Variants in LUZP2 observed in about 807,000 individuals in gnomAD.
The protein encoded by LUZP2 is leucine zipper protein 2.
A neutral mutation model predicts 51.6 loss-of-function variants in LUZP2; 52 were observed. The ratio of observed to expected loss-of-function variants is 1.01; its 90% CI spans 0.81 to 1.27. LUZP2 has a LOEUF of 1.27. Among genes scored for constraint, LUZP2 ranks in the 50% most tolerant of loss-of-function variants. The probability of loss-of-function intolerance (pLI) is 0.00; values close to 1 mark genes in which losing one functional copy is unlikely to be tolerated. For missense variants in LUZP2, 436 were observed against 395.4 expected (o/e 1.10, Z -0.87); for synonymous variants, 154 against 137.3 (o/e 1.12, Z -0.85).
Position 24,741,872 on chromosome 11 carries a change from T to TAA in LUZP2, c.333+3570_333+3571insAA, listed in dbSNP as rs1859159549. Reference sequence around the variant, plus strand: ...ATATAAATATATAAATGTATATATATTTATAAATATATATTTATATACATA... The same window carrying TAA: ...ATATAAATATATAAATGTATATATATAATTATAAATATATATTTATATACATA... On this transcript the variant is annotated intron_variant, in intron 4 of 11. Transcript: ENST00000336930. 4.5e-5 allele frequency among the ~76,000 whole-genome samples: 6 copies of TAA among 134,264 alleles called. No individual in the cohort carries two copies. In the South Asian group the frequency reaches 1.1e-3, roughly 24 times the overall value. 88.1% of individuals were successfully genotyped at this position (134,264 alleles called of 152,430 possible).
Position 24,934,084 on chromosome 11 carries a change from T to G in LUZP2, c.522+19546T>G, listed in dbSNP as rs1042944756. ...CATTATCGCAAGGGCAGGGAAGGTG[T>G]ATTGTCACAAAGTCAGCTGATCAGT... On this transcript the variant is annotated intron_variant, in intron 7 of 11. Coordinates refer to ENST00000336930, the MANE Select transcript of LUZP2 (RefSeq NM_001009909.4). 3.3e-5 allele frequency among the ~76,000 whole-genome samples: 5 copies of G among 152,228 alleles called. No individual in the cohort carries two copies. In the South Asian group the frequency reaches 1.0e-3, roughly 32 times the overall value.
intron 5 of LUZP2, among the ~76,000 whole-genome samples, chr11:24,788,275 T>C (rs571138291): frequency 3.9e-4 from 56 of 142,204 alleles, no homozygotes; most frequent in Non-Finnish European, 7.0e-4. Context: ...CTGCAACCTC[T>C]GCCTCCCAGG....
In LUZP2 at chr11:25,080,791, T is replaced by C. The variant is rs1375463209; in HGVS notation, c.*2133T>C. 1 of 152,086 alleles carries C rather than the reference T, an allele frequency of 6.6e-6. No homozygotes were observed. Among genetic ancestry groups the C allele is most frequent in the African/African-American group, 2.4e-5 (1 of 41,410 alleles). The allele number at this position is 152,086 out of a possible 1,614,324, so 9.4% of individuals were successfully genotyped here. A position where few individuals can be genotyped will look rare whatever the true frequency, so the allele number is the denominator to read the frequency against. Reference sequence around the variant, plus strand: ...CAGGCCTTGTGGGTCCTATAGAAAGTTATTCACCATGTAATCTAGCACAGC... The same window carrying C: ...CAGGCCTTGTGGGTCCTATAGAAAGCTATTCACCATGTAATCTAGCACAGC... On this transcript the variant is annotated 3_prime_UTR_variant, in exon 12 of 12. Coordinates refer to ENST00000336930, the MANE Select transcript of LUZP2 (RefSeq NM_001009909.4).
intron 5 of LUZP2, among the ~76,000 whole-genome samples, chr11:24,774,362 C>CTCTCTCTCTCTCTATATATATATA (rs776739280): frequency 3.9e-5 from 3 of 76,342 alleles, no homozygotes; most frequent in African/African-American, 1.2e-4. Context: ...CTCTCTCTCT[C>CTCTCTCTCTCTCTATATATATATA]TATATATATA....
In LUZP2 at chr11:24,774,362, C is replaced by CTCTCTCTCTCTCTCTATA. The variant is rs776739280; in HGVS notation, c.396+11055_396+11056insCTCTCTCTCTCTCTATAT. 6.3e-3 allele frequency among the ~76,000 whole-genome samples: 484 copies of CTCTCTCTCTCTCTCTATA among 76,242 alleles called. 2 individuals are homozygous for CTCTCTCTCTCTCTCTATA. The highest frequency in any genetic ancestry group is 0.011 in the South Asian group (23 of 2,118). The allele number at this position is 76,242 out of a possible 152,430, so 50.0% of individuals were successfully genotyped here. On this transcript the variant is annotated intron_variant, in intron 5 of 11. Transcript: ENST00000336930. ...TCTCTCTCTCTCTCTCTCTCTCTCT[C>CTCTCTCTCTCTCTCTATA]TATATATATATATATATATACATAC...
In LUZP2 at chr11:25,082,370, G is replaced by T. The variant is rs1196887425; in HGVS notation, c.*3712G>T. 1 of 152,516 alleles carries T rather than the reference G, an allele frequency of 6.6e-6. No homozygotes were observed. Among genetic ancestry groups the T allele is most frequent in the East Asian group, 1.9e-4 (1 of 5,192 alleles). 9.4% of individuals were successfully genotyped at this position (152,516 alleles called of 1,614,324 possible). A position where few individuals can be genotyped will look rare whatever the true frequency, so the allele number is the denominator to read the frequency against. On this transcript the variant is annotated 3_prime_UTR_variant, in exon 12 of 12. Coordinates refer to ENST00000336930, the MANE Select transcript of LUZP2 (RefSeq NM_001009909.4). ...GAAATCTTTTATTTTTATAGCTCAG[G>T]TATTGTAATTAGCACTAATTGCAGC...
intron 5 of LUZP2, chr11:24,785,922 T>A: frequency 1.6e-5 from 16 of 985,338 alleles, no homozygotes; most frequent in Non-Finnish European, 1.9e-5. Flanking sequence ...TAGCAGGAAC[T>A]ATAGATCTGA....
chr11:24,699,693 ACACACACACG>A, intron 1 of LUZP2, among the ~76,000 whole-genome samples: 1 of 149,680 alleles, frequency 6.7e-6, no homozygotes, highest in East Asian at 2.0e-4. Flanking sequence ...ACACAGACAC[ACACACACACG>A]CACACATCAT....
At chr11:24,970,060 T>C (rs1468801281) in intron 7 of LUZP2, among the ~76,000 whole-genome samples, 1 of 152,188 alleles carries the variant, frequency 6.6e-6, no homozygotes, top group East Asian at 1.9e-4. Flanking sequence ...TGTTAGAATT[T>C]TATTTTAGAA....
intron 1 of LUZP2, among the ~76,000 whole-genome samples, chr11:24,642,502 A>G (rs1258266551): frequency 6.6e-6 from 1 of 151,834 alleles, no homozygotes; most frequent in Non-Finnish European, 1.5e-5. Flanking sequence ...TATTTGAGTA[A>G]CTCATTTTAC....
intron 10 of LUZP2, among the ~76,000 whole-genome samples, chr11:25,056,754 A>G (rs1323767659): frequency 1.3e-5 from 2 of 152,160 alleles, no homozygotes; most frequent in Non-Finnish European, 2.9e-5. Flanking sequence ...AGGAATGTGT[A>G]TTATTGTAAT....
intron 5 of LUZP2, among the ~76,000 whole-genome samples, chr11:24,893,549 T>C (rs555947365): frequency 1.3e-5 from 2 of 152,276 alleles, no homozygotes; most frequent in South Asian, 2.1e-4. Flanking sequence ...AGACTACACA[T>C]AATATATCAC....
chr11:24,743,175 T>C (rs1307829974), intron 4 of LUZP2, among the ~76,000 whole-genome samples: 5 of 152,124 alleles, frequency 3.3e-5, no homozygotes, highest in African/African-American at 9.7e-5. Context: ...ATGAGGGCTC[T>C]TTTTTGTTTC....
At chr11:24,988,139 A>C (rs1483078865) in intron 9 of LUZP2, among the ~76,000 whole-genome samples, 1 of 152,014 alleles carries the variant, frequency 6.6e-6, no homozygotes, top group Non-Finnish European at 1.5e-5. Flanking sequence ...AATTTTAAAC[A>C]GTTCTGTTTT....
chr11:25,081,971 T>C lies in LUZP2; in HGVS notation c.*3313T>C, dbSNP rs1859470233. 2 of 152,150 alleles carry C rather than the reference T, an allele frequency of 1.3e-5. No individual in the cohort carries two copies. Among genetic ancestry groups the C allele is most frequent in the South Asian group, 4.1e-4 (2 of 4,836 alleles). The allele number at this position is 152,150 out of a possible 1,614,324, so 9.4% of individuals were successfully genotyped here. A position where few individuals can be genotyped will look rare whatever the true frequency, so the allele number is the denominator to read the frequency against. ...GATGTATATGTTTCTAAATTAGAAA[T>C]TTCTTTTGGCTTTGTGTTTTTTTAA... On this transcript the variant is annotated 3_prime_UTR_variant, in exon 12 of 12. Coordinates refer to ENST00000336930, the MANE Select transcript of LUZP2 (RefSeq NM_001009909.4).
In LUZP2 at chr11:25,037,335, G is replaced by C. The variant is rs79995178; in HGVS notation, c.766-12703G>C. Among the ~76,000 whole-genome samples, 1,191 of 152,176 alleles carry C rather than the reference G, an allele frequency of 7.8e-3. 34 individuals carry two copies. The East Asian group carries it at 0.099, about 13-fold the overall frequency. ...CTCTTATTCTACCCTTTGATTTTGA[G>C]CTTGTGAGTGTTGTTACACGTGAAA... On this transcript the variant is annotated intron_variant, in intron 9 of 11. Coordinates refer to ENST00000336930, the MANE Select transcript of LUZP2 (RefSeq NM_001009909.4).
intron 8 of LUZP2, among the ~76,000 whole-genome samples, chr11:24,977,618 G>T (rs1004868734): frequency 3.3e-5 from 5 of 151,288 alleles, no homozygotes; most frequent in Non-Finnish European, 7.4e-5. Context: ...TTACATACAT[G>T]CATTATATAT....
chr11:24,695,252 T>C (rs1455687880), intron 1 of LUZP2, among the ~76,000 whole-genome samples: 1 of 152,128 alleles, frequency 6.6e-6, no homozygotes, highest in Non-Finnish European at 1.5e-5. Context: ...CATTCTCACA[T>C]GAAATAATAC....
intron 1 of LUZP2, among the ~76,000 whole-genome samples, chr11:24,576,685 C>T (rs1852663613): frequency 1.3e-5 from 2 of 151,694 alleles, no homozygotes; most frequent in Non-Finnish European, 2.9e-5. Context: ...AAGTAGTTGT[C>T]CAAACAGACC....
Sources: gnomAD v4.1 joint callset for allele counts (sites outside exome capture counted in the v4.1 genomes callset) on GRCh38, gnomAD v4.1.1 for gene constraint, MANE v1.5 for transcripts, NCBI Gene and HGNC (gene_info 2026-07-23, HGNC 2026-07-21) for gene names.